Variants in ADCY4 observed in about 807,000 individuals in gnomAD.
ADCY4 encodes adenylate cyclase 4.
In ADCY4, 111 loss-of-function variants were observed where a neutral mutation model predicts 125.5. That is an observed-to-expected ratio of 0.88 (90% CI 0.76 to 1.04). ADCY4 has a LOEUF of 1.04. Ranked by LOEUF, ADCY4 falls within the 50% of genes least tolerant of loss-of-function variation. ADCY4 has a pLI of 0.00. For missense variants in ADCY4, 1,256 were observed against 1,382.9 expected (o/e 0.91, Z 1.46); for synonymous variants, 576 against 586.9 (o/e 0.98, Z 0.27).
rs376027188 is a variant in ADCY4 at position 24,322,615 on chromosome 14, G to A, written c.2427+9C>T. ...GTGGGCCCTGGTGGGGCTGAGCTGG[G>A]TGACTTACCTGGCGAGCCAGGACAA... is the stretch of plus-strand genomic sequence containing the variant. On this transcript the variant is annotated intron_variant, in intron 19 of 24. Transcript: ENST00000418030. 72 of 1,613,890 alleles carry A rather than the reference G, an allele frequency of 4.5e-5. 1 individual carries two copies. In the South Asian group the frequency reaches 4.8e-4, roughly 11 times the overall value.
At position 24,323,947 on chromosome 14, in the gene ADCY4, T is replaced by C. The variant is rs1372129514; in HGVS notation, c.2046+115A>G. 4.3e-6 allele frequency: 6 copies of C among 1,410,646 alleles called. No homozygotes were observed. The African/African-American group carries it at 7.2e-5, about 17-fold the overall frequency. 87.4% of individuals were successfully genotyped at this position (1,410,646 alleles called of 1,614,324 possible). ...TTTTTCTTTCTATTTGTACAACATTTCCAGCATCCCCTGGGCTTAGTCCAG... is the reference window on the plus strand; with the variant it reads ...TTTTTCTTTCTATTTGTACAACATTCCCAGCATCCCCTGGGCTTAGTCCAG... On this transcript the variant is annotated intron_variant, in intron 16 of 24. Coordinates refer to ENST00000418030, the MANE Select transcript of ADCY4 (RefSeq NM_001198568.2).
chr14:24,324,814 C>T (rs2041916184), intron 14 of ADCY4, among the ~76,000 whole-genome samples: 1 of 152,128 alleles, frequency 6.6e-6, no homozygotes, highest in African/African-American at 2.4e-5. Context: ...AGCGATTCTC[C>T]TGCCTCAGCC....
chr14:24,334,397 C>T, intron 1 of ADCY4, 97 bp downstream of exon 1: 3 of 1,450,242 alleles, frequency 2.1e-6, no homozygotes, highest in Non-Finnish European at 2.7e-6. Flanking sequence ...TTCTCTGCTC[C>T]CAGCAACGAA....
chr14:24,319,590 G>C lies in ADCY4; in HGVS notation c.2733+152C>G. On this transcript the variant is annotated intron_variant, in intron 21 of 24. Coordinates refer to ENST00000418030, the MANE Select transcript of ADCY4 (RefSeq NM_001198568.2). The surrounding 1 kb of genome is among the most constrained non-coding windows in gnomAD (Gnocchi z 4.5). ...AGGGTTGGTGGTGGGCAGTGTTGCTGGAGTGGGTAGATCTGGGGGATCAGA... is the reference window on the plus strand; with the variant it reads ...AGGGTTGGTGGTGGGCAGTGTTGCTCGAGTGGGTAGATCTGGGGGATCAGA... The C allele has an allele frequency of 8.2e-7, 1 of 1,215,186 alleles. No individual in the cohort carries two copies. Among genetic ancestry groups the C allele is most frequent in the South Asian group, 1.3e-5 (1 of 78,058 alleles). The allele number at this position is 1,215,186 out of a possible 1,614,324, so 75.3% of individuals were successfully genotyped here.
rs2041812555 is a variant in ADCY4 at position 24,319,023 on chromosome 14, A to T, written c.2956+75T>A. The stretch of plus-strand genomic sequence containing the variant: ...CTTCAGGATGAACTGGGAGCAGCTA[A>T]CAAAGGACTTGGAGTGGGGCAAGCT... On this transcript the variant is annotated intron_variant, in intron 23 of 24. Coordinates refer to ENST00000418030, the MANE Select transcript of ADCY4 (RefSeq NM_001198568.2). The surrounding 1 kb of genome is among the most constrained non-coding windows in gnomAD (Gnocchi z 4.5). The T allele has an allele frequency of 6.4e-7, 1 of 1,551,546 alleles. No individual in the cohort carries two copies. The highest frequency in any genetic ancestry group is 1.4e-5 in the African/African-American group (1 of 73,534).
rs768630317 is a variant in ADCY4, at chr14:24,329,514, C to A, written c.1237G>T (p.Ala413Ser). The A allele has an allele frequency of 9.1e-6, 14 of 1,543,992 alleles. No individual in the cohort carries two copies. Among genetic ancestry groups the A allele is most frequent in the African/African-American group, 1.4e-5 (1 of 72,142 alleles). ...GVPGRVHITG[A>S]TLALLAGAYA... ...GCCCCTGCCAGCAGGGCCAGGGTAG[C>A]CCCTGTGATGTGCACTCGCCTGGAA... Residue 413 changes from alanine to serine, a missense_variant, in exon 9 of 25, where the codon GCT becomes TCT. Ala to Ser is a moderately conservative substitution (Grantham distance 99). Transcript: ENST00000418030.
intron 11 of ADCY4, 28 bp from the exon 12 acceptor site, chr14:24,326,193 C>G: frequency 6.2e-7 from 1 of 1,610,674 alleles, no homozygotes; most frequent in Non-Finnish European, 8.5e-7. Flanking sequence ...AGTCCATCAC[C>G]ACAGAGACCC....
At position 24,322,111 on chromosome 14, in the gene ADCY4, A is replaced by G. The variant is rs1198609542; in HGVS notation, c.2541T>C (p.Pro847=). Residue 847 remains proline, a synonymous_variant, in exon 20 of 25, where the codon CCT becomes CCC. Coordinates refer to ENST00000418030, the MANE Select transcript of ADCY4 (RefSeq NM_001198568.2). ...CAATGAACTGGGGGGCCACGTGTGC[A>G]GGGAGCACGTTCTCCAAGAGCAGCC... ...LTRLLLENVL[P]AHVAPQFIGQ... is the part of the protein sequence containing the mutation. The G allele has an allele frequency of 2.5e-6, 4 of 1,614,078 alleles. No homozygotes were observed. The highest frequency in any genetic ancestry group is 1.7e-5 in the Admixed American group (1 of 60,016).
In ADCY4 at chr14:24,329,552, T is replaced by TAGGGGTCAGC. The variant is rs2042007334; in HGVS notation, c.1218-29_1218-20dup. 7 of 1,511,888 alleles carry TAGGGGTCAGC rather than the reference T, an allele frequency of 4.6e-6. No homozygotes were observed. In the African/African-American group the frequency reaches 7.0e-5, roughly 15 times the overall value. 93.7% of individuals were successfully genotyped at this position (1,511,888 alleles called of 1,614,324 possible). ...CACTCGCCTGGAAGGAGGGAGGCAG[T>TAGGGGTCAGC]AGGGGTCAGCAGGGAGGGCCTTCAA... On this transcript the variant is annotated intron_variant, in intron 8 of 24. Coordinates refer to ENST00000418030, the MANE Select transcript of ADCY4 (RefSeq NM_001198568.2).
At chr14:24,318,589 G>A (rs1391779154) in intron 24 of ADCY4, 21 bp from the exon 25 acceptor site, 1 of 1,613,978 alleles carries the variant, frequency 6.2e-7, no homozygotes, top group Non-Finnish European at 8.5e-7. Context: ...AGGGGGGCGA[G>A]GGAATATGGA....
rs774926732 is a variant in ADCY4 at position 24,329,042 on chromosome 14, A to G, written c.1524+19T>C. ...TGGATTTAACTAAGCTCTGGGGCTC[A>G]GGATGAAGGTGCACATACCGGGAGA... On this transcript the variant is annotated intron_variant, in intron 10 of 24. Coordinates refer to ENST00000418030, the MANE Select transcript of ADCY4 (RefSeq NM_001198568.2). 1 of 1,609,814 alleles carries G rather than the reference A, an allele frequency of 6.2e-7. No homozygotes were observed. The highest frequency in any genetic ancestry group is 8.5e-7 in the Non-Finnish European group (1 of 1,177,698).
intron 4 of ADCY4, chr14:24,331,566 G>A (rs1012902582): frequency 1.1e-6 from 1 of 872,952 alleles, no homozygotes; most frequent in Non-Finnish European, 1.7e-6. Context: ...CACCTGAATG[G>A]GAGTTCACTT....
Position 24,329,511 on chromosome 14 carries a change from T to G in ADCY4, c.1240A>C (p.Thr414Pro), listed in dbSNP as rs1282408959. The change falls in exon 9 of 25, where the codon ACC (threonine) becomes CCC (proline). Residue 414 changes from threonine to proline, a missense_variant. Coordinates refer to ENST00000418030, the MANE Select transcript of ADCY4 (RefSeq NM_001198568.2). ...TAAGCCCCTGCCAGCAGGGCCAGGGTAGCCCCTGTGATGTGCACTCGCCTG... is the reference window on the plus strand; with the variant it reads ...TAAGCCCCTGCCAGCAGGGCCAGGGGAGCCCCTGTGATGTGCACTCGCCTG... ...VPGRVHITGATLALLAGAYAV... is the reference protein window; with the variant it reads ...VPGRVHITGAPLALLAGAYAV... 6.4e-7 allele frequency: 1 copy of G among 1,551,130 alleles called. No individual in the cohort carries two copies. Among genetic ancestry groups the G allele is most frequent in the Admixed American group, 2.1e-5 (1 of 47,332 alleles).
In ADCY4 at chr14:24,326,293, C is replaced by G. The variant is rs1057378507; in HGVS notation, c.1568+6G>C. The G allele has an allele frequency of 1.8e-5, 29 of 1,613,984 alleles. No individual in the cohort carries two copies. Among genetic ancestry groups the G allele is most frequent in the Non-Finnish European group, 2.4e-5 (28 of 1,180,024 alleles). ...CCCACTGGCAAAGACTTTGAGGCCT[C>G]CTCACCGATCCAGGCTCCACTGGGT... is the stretch of plus-strand genomic sequence containing the variant. On this transcript the variant is annotated splice_donor_region_variant and intron_variant, in intron 11 of 24. Coordinates refer to ENST00000418030, the MANE Select transcript of ADCY4 (RefSeq NM_001198568.2).
Position 24,319,077 on chromosome 14 carries a change from G to A in ADCY4, c.2956+21C>T. The A allele has an allele frequency of 6.2e-7, 1 of 1,612,426 alleles. No homozygotes were observed. Among genetic ancestry groups the A allele is most frequent in the Non-Finnish European group, 8.5e-7 (1 of 1,178,596 alleles). ...GAAGGTGAGGAGGTACCAGACTGCT[G>A]CAGCAGGGGAAGTCTCTCACCCACT... On this transcript the variant is annotated intron_variant, in intron 23 of 24. Transcript: ENST00000418030. The surrounding 1 kb of genome is among the most constrained non-coding windows in gnomAD (Gnocchi z 4.5).
intron 13 of ADCY4, 22 bp downstream of exon 13, chr14:24,325,796 T>A: frequency 6.3e-7 from 1 of 1,582,630 alleles, no homozygotes; most frequent in Non-Finnish European, 8.6e-7. Context: ...AGTTGTTTGG[T>A]GCCACCCACA....
intron 23 of ADCY4, 98 bp from the exon 24 acceptor site, chr14:24,318,876 A>G: frequency 1.3e-6 from 2 of 1,542,876 alleles, no homozygotes; most frequent in South Asian, 1.2e-5. Context: ...GGGGGGCCCT[A>G]GAGGAGAGGA....
rs2042110698 is a variant in ADCY4 at position 24,334,965 on chromosome 14, C to T, written c.-313G>A. The T allele has an allele frequency of 3.9e-6, 1 of 256,306 alleles. No individual in the cohort carries two copies. 15.9% of individuals were successfully genotyped at this position (256,306 alleles called of 1,614,324 possible). On this transcript the variant is annotated 5_prime_UTR_variant, in exon 1 of 25. Transcript: ENST00000418030. ...GTTGGTGCGAGGGAGCCCCGGGTTC[C>T]CCTGATCCCCGAACTCACTGCCCGC...
intron 20 of ADCY4, among the ~76,000 whole-genome samples, chr14:24,320,880 C>A (rs982000201): frequency 1.3e-5 from 2 of 152,038 alleles, no homozygotes; most frequent in African/African-American, 4.8e-5. Context: ...TGGCTAATGG[C>A]TACCATATTG....
Sources: allele counts gnomAD v4.1 joint callset (sites outside exome capture counted in the v4.1 genomes callset), GRCh38; gene constraint gnomAD v4.1.1; non-coding constraint Gnocchi (gnomAD v3.1); transcripts MANE v1.5; gene names NCBI Gene and HGNC (gene_info 2026-07-23, HGNC 2026-07-21).